The following DPP6 variants were observed in gnomAD, a reference collection of about 807,000 sequenced individuals.
DPP6 encodes the protein A-type potassium channel modulatory protein DPP6.
DPP6 carries 69 observed loss-of-function variants against 122.6 expected under a neutral mutation model. The observed-to-expected ratio is 0.56, with a 90% CI of 0.46 to 0.69. DPP6 has a LOEUF of 0.69. DPP6 is among the 30% of genes least tolerant of loss of function. The pLI is 0.00. For missense variants in DPP6, 928 were observed against 1,116.9 expected (o/e 0.83, Z 2.41); for synonymous variants, 418 against 433.1 (o/e 0.97, Z 0.43).
intron 21 of DPP6, among the ~76,000 whole-genome samples, chr7:154,882,661 TC>T (rs1281190703): frequency 1.3e-5 from 2 of 150,974 alleles, no homozygotes; most frequent in Admixed American, 6.6e-5. Context: ...TTCTGCAGTT[TC>T]CCCCCCGACA....
At chr7:154,826,496 A>G (rs185896671) in intron 16 of DPP6, among the ~76,000 whole-genome samples, 1 of 152,296 alleles carries the variant, frequency 6.6e-6, no homozygotes, top group African/African-American at 2.4e-5. Context: ...ATTCACAAGG[A>G]GGAAGATGTC....
chr7:154,852,859 G>A (rs1478758713), intron 16 of DPP6, among the ~76,000 whole-genome samples: 3 of 149,182 alleles, frequency 2.0e-5, no homozygotes, highest in African/African-American at 7.5e-5. Context: ...AGATGGGATA[G>A]TTGGAGATGG....
intron 1 of DPP6, among the ~76,000 whole-genome samples, chr7:154,428,314 C>A (rs1818076203): frequency 6.6e-6 from 1 of 152,100 alleles, no homozygotes; most frequent in Admixed American, 6.5e-5. Context: ...TGGATGTCTT[C>A]TTTTTTAGCA....
the DPP6 span, among the ~76,000 whole-genome samples, chr7:153,872,549 G>GAT: frequency 8.9e-4 from 135 of 152,142 alleles, no homozygotes; most frequent in Non-Finnish European, 1.6e-3. Flanking sequence ...ATTTTAAAAT[G>GAT]ATAGATAACA....
intron 4 of DPP6, among the ~76,000 whole-genome samples, chr7:154,566,531 T>A (rs550350279): frequency 6.6e-6 from 1 of 152,250 alleles, no homozygotes; most frequent in South Asian, 2.1e-4. Flanking sequence ...CCTCAGGTGA[T>A]CCACCCACCT....
intron 1 of DPP6, among the ~76,000 whole-genome samples, chr7:154,227,346 A>G (rs193004285): frequency 6.6e-6 from 1 of 152,222 alleles, no homozygotes; most frequent in African/African-American, 2.4e-5. Context: ...AGAAAGACAG[A>G]TATGACATGA....
At chr7:154,158,988 GTC>G (rs1450295153) in intron 1 of DPP6, among the ~76,000 whole-genome samples, 1 of 152,084 alleles carries the variant, frequency 6.6e-6, no homozygotes, top group Non-Finnish European at 1.5e-5. Context: ...TGGGACTGGA[GTC>G]TCTGAGACCT....
At chr7:153,850,112 C>T in the DPP6 span, among the ~76,000 whole-genome samples, 1 of 152,150 alleles carries the variant, frequency 6.6e-6, no homozygotes, top group South Asian at 2.1e-4. Context: ...TGCCTTACAA[C>T]AACACACATT....
At chr7:153,849,832 G>A in the DPP6 span, among the ~76,000 whole-genome samples, 1 of 151,928 alleles carries the variant, frequency 6.6e-6, no homozygotes, top group Non-Finnish European at 1.5e-5. Flanking sequence ...CATTTTCTTA[G>A]TATTTTCTTT....
chr7:154,198,432 C>T (rs1798987093), intron 1 of DPP6, among the ~76,000 whole-genome samples: 1 of 152,102 alleles, frequency 6.6e-6, no homozygotes, highest in African/African-American at 2.4e-5. Context: ...GTGCCTCAGC[C>T]TCCCAAGTAG....
chr7:154,834,973 A>C (rs574399355), intron 16 of DPP6, among the ~76,000 whole-genome samples: 25 of 152,276 alleles, frequency 1.6e-4, no homozygotes, highest in African/African-American at 5.5e-4. Context: ...TAAGTATGAT[A>C]TGTAAGGGAA....
the DPP6 span, among the ~76,000 whole-genome samples, chr7:153,877,382 TTG>T: frequency 1.3e-5 from 2 of 152,156 alleles, no homozygotes; most frequent in African/African-American, 4.8e-5. Flanking sequence ...ACACACAATT[TTG>T]TGTTTATTAT....
At chr7:154,807,695 G>C (rs1394809806) in intron 16 of DPP6, among the ~76,000 whole-genome samples, 1 of 152,018 alleles carries the variant, frequency 6.6e-6, no homozygotes, top group African/African-American at 2.4e-5. Flanking sequence ...GGTGGTGAAT[G>C]CCTGTAATCT....
chr7:154,178,128 C>G (rs373280816), intron 1 of DPP6, among the ~76,000 whole-genome samples: 19 of 152,344 alleles, frequency 1.2e-4, no homozygotes, highest in African/African-American at 4.6e-4. Context: ...TGTCATGACA[C>G]TTCATCCTTA....
chr7:154,283,852 ACAT>A (rs1804682013), intron 1 of DPP6, among the ~76,000 whole-genome samples: 1 of 152,204 alleles, frequency 6.6e-6, no homozygotes. Flanking sequence ...CCTTATTCTG[ACAT>A]CATAAGAACA....
At chr7:154,129,216 A>G (rs1193915970) in intron 1 of DPP6, among the ~76,000 whole-genome samples, 2 of 152,100 alleles carry the variant, frequency 1.3e-5, no homozygotes, top group South Asian at 2.1e-4. Context: ...ATTTCCTGCA[A>G]TACACTCATT....
At chr7:154,566,958 T>C (rs763709970) in intron 5 of DPP6, 42 bp downstream of exon 5, 1 of 1,347,734 alleles carries the variant, frequency 7.4e-7, no homozygotes, top group South Asian at 1.2e-5. Flanking sequence ...ATTGTTTCTT[T>C]ATTCTAATAT....
At chr7:154,081,835 G>A (rs367588645) in intron 1 of DPP6, among the ~76,000 whole-genome samples, 4 of 152,100 alleles carry the variant, frequency 2.6e-5, no homozygotes, top group South Asian at 2.1e-4. Context: ...AGCTCTTGAC[G>A]TTAGCAAATA....
chr7:154,458,086 C>T (rs1349254481), intron 2 of DPP6, among the ~76,000 whole-genome samples: 1 of 152,132 alleles, frequency 6.6e-6, no homozygotes, highest in Non-Finnish European at 1.5e-5. Flanking sequence ...CCCAGGAATA[C>T]TGGCAGCCCC....
Sources: gnomAD v4.1 joint callset for allele counts (sites outside exome capture counted in the v4.1 genomes callset) on GRCh38, gnomAD v4.1.1 for gene constraint, MANE v1.5 for transcripts, NCBI Gene and HGNC (gene_info 2026-07-23, HGNC 2026-07-21) for gene names.